The following SLC4A1 variants were observed in gnomAD, a reference collection of about 807,000 sequenced individuals.
SLC4A1 encodes solute carrier family 4 member 1 (Diego blood group), also known as band 3 anion transport protein.
SLC4A1 carries 29 observed loss-of-function variants against 93.1 expected under a neutral mutation model. The observed-to-expected ratio is 0.31, with a 90% CI of 0.23 to 0.42. The LOEUF is 0.42. SLC4A1 is among the 20% of genes least tolerant of loss of function. The pLI, the probability that SLC4A1 is intolerant of heterozygous loss-of-function variation, is 1.00. For missense variants in SLC4A1, 965 were observed against 1,190.1 expected, an observed-to-expected ratio of 0.81 and a Z score of 2.78; for synonymous variants, 469 against 497.2, an observed-to-expected ratio of 0.94 and a Z score of 0.76.
rs755195307 is a variant in SLC4A1 at position 44,258,501 on chromosome 17, G to A, written c.999C>T (p.Leu333=). 6.2e-7 allele frequency: 1 copy of A among 1,614,044 alleles called. No individual in the cohort carries two copies. The highest frequency in any genetic ancestry group is 2.2e-5 in the East Asian group (1 of 44,874). The stretch of plus-strand genomic sequence containing the variant: ...GCTCCCTCTGCACAGGCACCAGACT[G>A]AGCAGTGCCTGCTCGGAGGGGGCAT... ...PTDAPSEQAL[L]SLVPVQRELL... is the part of the protein sequence containing the mutation. Residue 333 remains leucine, a synonymous_variant, in exon 10 of 20, where the codon CTC becomes CTT. Coordinates refer to ENST00000262418, the MANE Select transcript of SLC4A1 (RefSeq NM_000342.4). This position sits in a 1 kb window ranked among gnomAD's most constrained non-coding sequence, Gnocchi z 6.1.
At chr17:44,251,048 C>G in intron 19 of SLC4A1, 111 bp downstream of exon 19, 1 of 1,232,838 alleles carries the variant, frequency 8.1e-7, no homozygotes, top group African/African-American at 1.5e-5. Flanking sequence ...AACCTGGACA[C>G]CAGCCCTAGC....
rs56109214 is a variant in SLC4A1 at position 44,262,667 on chromosome 17, G to A, written c.75C>T (p.Asp25=). ...NLEQEEYEDP[D]IPESQMEEPA... is the part of the protein sequence containing the mutation. Reference sequence around the variant, plus strand: ...GCTCCTCCATCTGGGACTCGGGGATGTCTGGGTCTTCATATTCCTCCTGCT... The same window carrying A: ...GCTCCTCCATCTGGGACTCGGGGATATCTGGGTCTTCATATTCCTCCTGCT... The change falls in exon 3 of 20, where the codon GAC becomes GAT. Residue 25 remains aspartate, a synonymous_variant. Transcript: ENST00000262418. The A allele has an allele frequency of 1.3e-5, 21 of 1,613,760 alleles. No homozygotes were observed. The African/African-American group carries it at 1.9e-4, about 14-fold the overall frequency.
chr17:44,249,163 C>T lies in SLC4A1; in HGVS notation c.*1295G>A, dbSNP rs936334860. 17 of 454,704 alleles carry T rather than the reference C, an allele frequency of 3.7e-5. No individual in the cohort carries two copies. Among genetic ancestry groups the T allele is most frequent in the Non-Finnish European group, 6.6e-5 (15 of 226,328 alleles). The allele number at this position is 454,704 out of a possible 1,614,324, so 28.2% of individuals were successfully genotyped here. ...AAACGTGAGCCACTGCGCCCAGCCACCTCCTCTCTTTTCTACCACTTCCTG... is the reference window on the plus strand; with the variant it reads ...AAACGTGAGCCACTGCGCCCAGCCATCTCCTCTCTTTTCTACCACTTCCTG... On this transcript the variant is annotated 3_prime_UTR_variant, in exon 20 of 20. Coordinates refer to ENST00000262418, the MANE Select transcript of SLC4A1 (RefSeq NM_000342.4).
Position 44,261,568 on chromosome 17 carries a change from T to C in SLC4A1, c.168+7A>G. On this transcript the variant is annotated splice_region_variant and intron_variant, in intron 4 of 19. Transcript: ENST00000262418. Reference sequence around the variant, plus strand: ...TGGGAAAGAACGGAGGAGGCTGGGGTCCTCACCTTGTGGGTACCCGGGTGT... The same window carrying C: ...TGGGAAAGAACGGAGGAGGCTGGGGCCCTCACCTTGTGGGTACCCGGGTGT... 3.1e-6 allele frequency: 5 copies of C among 1,613,884 alleles called. No individual in the cohort carries two copies. The highest frequency in any genetic ancestry group is 4.2e-6 in the Non-Finnish European group (5 of 1,179,966).
chr17:44,253,021 C>G, intron 17 of SLC4A1, 97 bp downstream of exon 17: 1 of 1,291,890 alleles, frequency 7.7e-7, no homozygotes, highest in Non-Finnish European at 1.1e-6. Flanking sequence ...ATGGGGGAGG[C>G]TGGAGGAGGT....
In SLC4A1 at chr17:44,258,470, G is replaced by A. The variant is rs750930293; in HGVS notation, c.1030C>T (p.Arg344Ter). 3 of 1,614,044 alleles carry A rather than the reference G, an allele frequency of 1.9e-6. No individual in the cohort carries two copies. Among genetic ancestry groups the A allele is most frequent in the Non-Finnish European group, 2.5e-6 (3 of 1,179,990 alleles). Residue 344 changes from arginine to a stop codon, truncating the protein, a stop_gained, in exon 10 of 20, where the codon CGA (arginine) becomes TGA (stop). Transcript: ENST00000262418. LOFTEE classifies it high-confidence loss of function. This position sits in a 1 kb window ranked among gnomAD's most constrained non-coding sequence, Gnocchi z 6.1. ...SLVPVQRELL[R>*]RRYQSSPAKP... ...GCAGGGCTGGACTGATAGCGCCTTC[G>A]AAGTAGCTCCCTCTGCACAGGCACC...
intron 1 of SLC4A1, among the ~76,000 whole-genome samples, chr17:44,265,351 G>A (rs1000863113): frequency 4.6e-5 from 7 of 152,182 alleles, no homozygotes; most frequent in South Asian, 2.1e-4. Context: ...GGTCACTGGC[G>A]CTAGCCTAAA....
intron 15 of SLC4A1, among the ~76,000 whole-genome samples, 179 bp from the exon 16 acceptor site, chr17:44,254,841 C>G (rs993534458): frequency 6.6e-6 from 1 of 152,198 alleles, no homozygotes; most frequent in Non-Finnish European, 1.5e-5. Context: ...TCCATCTGCT[C>G]GTTCCCCACT....
chr17:44,260,008 G>A (rs868163839), intron 6 of SLC4A1, 76 bp from the exon 7 acceptor site: 8 of 1,570,824 alleles, frequency 5.1e-6, no homozygotes, highest in Middle Eastern at 4.2e-4. Context: ...GATCAAGGGC[G>A]AACATCAAGG....
At chr17:44,263,691 T>C (rs1371508652) in intron 1 of SLC4A1, among the ~76,000 whole-genome samples, 10 of 132,426 alleles carry the variant, frequency 7.6e-5, no homozygotes, top group Non-Finnish European at 1.6e-4. Context: ...TTTCCCTCCC[T>C]CCTTCCCTCC....
chr17:44,257,295 GTC>G, intron 13 of SLC4A1, 53 bp downstream of exon 13: 1 of 1,563,884 alleles, frequency 6.4e-7, no homozygotes. Flanking sequence ...CCCGGCCACT[GTC>G]TCAGTCTTAT....
intron 16 of SLC4A1, 53 bp downstream of exon 16, chr17:44,254,443 G>A (rs2047370418): frequency 6.4e-7 from 1 of 1,552,942 alleles, no homozygotes; most frequent in Non-Finnish European, 8.9e-7. Context: ...GAATGCCAGG[G>A]AAAGGTCCCT....
In SLC4A1 at chr17:44,260,804, C is replaced by A. The variant is rs369101481; in HGVS notation, c.180G>T (p.Glu60Asp). ...TTTCGTCCATCACCAGCTCCTGCAG[C>A]TCCACATAGACCTGTGGCCCCATGC... ...SHPGTHKVYV[E>D]LQELVMDEKN... The change falls in exon 5 of 20, where the codon GAG (glutamate) becomes GAT (aspartate). Residue 60 changes from glutamate to aspartate, a missense_variant. Glu to Asp is a conservative substitution (Grantham distance 45). Around this residue, in one of 2 missense-constraint regions of SLC4A1, gnomAD observed 195 missense variants for 183.5 expected, o/e 1.06. Coordinates refer to ENST00000262418, the MANE Select transcript of SLC4A1 (RefSeq NM_000342.4). 6 of 1,612,400 alleles carry A rather than the reference C, an allele frequency of 3.7e-6. No homozygotes were observed. The highest frequency in any genetic ancestry group is 5.1e-6 in the Non-Finnish European group (6 of 1,180,046).
Position 44,250,584 on chromosome 17 carries a change from C to A in SLC4A1, c.2656-46G>T, listed in dbSNP as rs747346938. 9 of 1,494,024 alleles carry A rather than the reference C, an allele frequency of 6.0e-6. No individual in the cohort carries two copies. The South Asian group carries it at 6.8e-5, about 11-fold the overall frequency. The allele number at this position is 1,494,024 out of a possible 1,614,324, so 92.5% of individuals were successfully genotyped here. ...AGAGACAGGGTGAGAGACCCTGGGGCCAGAAGAGCCCTCCCCGGGCACGAA... is the reference window on the plus strand; with the variant it reads ...AGAGACAGGGTGAGAGACCCTGGGGACAGAAGAGCCCTCCCCGGGCACGAA... On this transcript the variant is annotated intron_variant, in intron 19 of 19. Coordinates refer to ENST00000262418, the MANE Select transcript of SLC4A1 (RefSeq NM_000342.4).
intron 14 of SLC4A1, 57 bp downstream of exon 14, chr17:44,255,616 G>T (rs550114777): frequency 3.9e-6 from 6 of 1,549,912 alleles, no homozygotes; most frequent in East Asian, 4.5e-5. Flanking sequence ...GGAGCGGGGG[G>T]GCTTTGGGCT....
chr17:44,262,354 G>A (rs2047452976), intron 3 of SLC4A1, among the ~76,000 whole-genome samples: 1 of 152,368 alleles, frequency 6.6e-6, no homozygotes, highest in East Asian at 1.9e-4. Flanking sequence ...GCATTGGATG[G>A]GCACAGATGG....
chr17:44,263,715 TTCCTTC>T lies in SLC4A1; in HGVS notation c.-68-787_-68-782del, dbSNP rs1567837013. 8.0e-3 allele frequency among the ~76,000 whole-genome samples: 1,103 copies of T among 138,014 alleles called. 23 individuals carry two copies. Among genetic ancestry groups the T allele is most frequent in the African/African-American group, 0.031 (986 of 32,260 alleles). 90.5% of individuals were successfully genotyped at this position (138,014 alleles called of 152,430 possible). On this transcript the variant is annotated intron_variant, in intron 1 of 19. Coordinates refer to ENST00000262418, the MANE Select transcript of SLC4A1 (RefSeq NM_000342.4). ...CTCCTTCCCTCCCTTCCCTCCTTCC[TTCCTTC>T]CTTCCTTCCTTCCTTCCTCCATCCC...
chr17:44,255,463 A>G (rs1293218193), intron 14 of SLC4A1, among the ~76,000 whole-genome samples, 167 bp from the exon 15 acceptor site: 1 of 152,078 alleles, frequency 6.6e-6, no homozygotes, highest in African/African-American at 2.4e-5. Flanking sequence ...TTCTTCCCCC[A>G]GCAGTTCTCA....
rs1181206314 is a variant in SLC4A1 at position 44,248,547 on chromosome 17, C to A, written c.*1911G>T. 3.3e-5 allele frequency: 5 copies of A among 152,236 alleles called. No homozygotes were observed. Among genetic ancestry groups the A allele is most frequent in the Admixed American group, 6.5e-5 (1 of 15,270 alleles). The allele number at this position is 152,236 out of a possible 1,614,324, so 9.4% of individuals were successfully genotyped here. A position where few individuals can be genotyped will look rare whatever the true frequency, so the allele number is the denominator to read the frequency against. On this transcript the variant is annotated 3_prime_UTR_variant, in exon 20 of 20. Transcript: ENST00000262418. ...CATCCCAGTCAAGATAAGGAGGATC[C>A]CAGCAGCTCCCCTCCGAGGTTGGGC... is the stretch of plus-strand genomic sequence containing the variant.
Sources: gnomAD v4.1 joint callset for allele counts (sites outside exome capture counted in the v4.1 genomes callset) on GRCh38, gnomAD v4.1.1 for gene constraint, gnomAD v4.1.1 regional missense constraint, Gnocchi (gnomAD v3.1) non-coding constraint, MANE v1.5 for transcripts, NCBI Gene and HGNC (gene_info 2026-07-23, HGNC 2026-07-21) for gene names.